The following SREBF2 variants were observed in gnomAD, a reference collection of about 807,000 sequenced individuals.
SREBF2 encodes the protein sterol regulatory element binding transcription factor 2, also known as sterol regulatory element-binding protein 2.
SREBF2 carries 55 observed loss-of-function variants against 113.1 expected under a neutral mutation model. The ratio of observed to expected loss-of-function variants is 0.49; its 90% CI spans 0.39 to 0.61. The LOEUF (loss-of-function observed/expected upper bound fraction) is 0.61, where lower values mean the gene tolerates loss of function less well. Among genes scored for constraint, SREBF2 ranks in the 20% least tolerant of loss-of-function variants. The probability of loss-of-function intolerance (pLI) is 0.00; values close to 1 mark genes in which losing one functional copy is unlikely to be tolerated. For missense variants in SREBF2, 1,349 were observed against 1,487.4 expected (o/e 0.91, Z 1.53); for synonymous variants, 593 against 605.7 (o/e 0.98, Z 0.31).
chr22:41,858,380 A>G (rs535119182), intron 1 of SREBF2, among the ~76,000 whole-genome samples: 2 of 152,318 alleles, frequency 1.3e-5, no homozygotes, highest in East Asian at 1.9e-4. Flanking sequence ...TCACTATACA[A>G]TGTAAAAATG....
At chr22:41,901,344 A>G (rs1218470523) in intron 16 of SREBF2, among the ~76,000 whole-genome samples, 1 of 152,146 alleles carries the variant, frequency 6.6e-6, no homozygotes, top group African/African-American at 2.4e-5. Flanking sequence ...GGCAGCCCCT[A>G]CAGGGACAGG....
chr22:41,880,596 C>A, intron 9 of SREBF2, 120 bp from the exon 10 acceptor site: 2 of 1,317,664 alleles, frequency 1.5e-6, no homozygotes, highest in Non-Finnish European at 2.2e-6. Flanking sequence ...AAGTTTCCCT[C>A]GTTTTTATGA....
intron 3 of SREBF2, among the ~76,000 whole-genome samples, chr22:41,869,008 T>G (rs958648927): frequency 1.3e-5 from 2 of 152,246 alleles, no homozygotes; most frequent in Non-Finnish European, 2.9e-5. Flanking sequence ...TGCAGTCACT[T>G]ACGTACACAT....
chr22:41,878,790 CA>C, intron 9 of SREBF2: 2 of 1,260,192 alleles, frequency 1.6e-6, no homozygotes, highest in Non-Finnish European at 2.1e-6. Flanking sequence ...CCCACCTCTG[CA>C]AGCTGCAGGG....
intron 1 of SREBF2, among the ~76,000 whole-genome samples, chr22:41,844,048 A>ACACACACACACG (rs1556029658): frequency 4.8e-5 from 7 of 145,920 alleles, no homozygotes; most frequent in Non-Finnish European, 7.4e-5. Flanking sequence ...ACACACACAC[A>ACACACACACACG]CACACACACA....
chr22:41,852,624 A>C (rs1213266317), intron 1 of SREBF2, among the ~76,000 whole-genome samples: 1 of 151,916 alleles, frequency 6.6e-6, no homozygotes, highest in African/African-American at 2.4e-5. Flanking sequence ...TTTATAACCA[A>C]AACTCTTATT....
intron 11 of SREBF2, among the ~76,000 whole-genome samples, chr22:41,891,686 G>A (rs975073822): frequency 4.6e-5 from 7 of 152,224 alleles, no homozygotes; most frequent in Non-Finnish European, 1.0e-4. Flanking sequence ...TCCTGTGGGG[G>A]CGAGGGCTGG....
rs1028742651 is a variant in SREBF2, at chr22:41,905,119, C to T, written c.3205+145C>T. The T allele has an allele frequency of 5.8e-6, 5 of 858,086 alleles. No individual in the cohort carries two copies. The African/African-American group carries it at 8.4e-5, about 14-fold the overall frequency. The allele number at this position is 858,086 out of a possible 1,614,324, so 53.2% of individuals were successfully genotyped here. A position where few individuals can be genotyped will look rare whatever the true frequency, so the allele number is the denominator to read the frequency against. Reference sequence around the variant, plus strand: ...CTCTGAGAATGAAAGAAGCCCGAGGCCGCCCTTGGTGGGTTGCAGGGGTTG... The same window carrying T: ...CTCTGAGAATGAAAGAAGCCCGAGGTCGCCCTTGGTGGGTTGCAGGGGTTG... On this transcript the variant is annotated intron_variant, in intron 18 of 18. Coordinates refer to ENST00000361204, the MANE Select transcript of SREBF2 (RefSeq NM_004599.4).
Position 41,866,850 on chromosome 22 carries a change from T to C in SREBF2, c.108T>C (p.Ser36=), listed in dbSNP as rs2077080801. 5.0e-6 allele frequency: 8 copies of C among 1,614,236 alleles called. No individual in the cohort carries two copies. In the East Asian group the frequency reaches 8.9e-5, roughly 18 times the overall value. Residue 36 remains serine (S), a synonymous_variant, in exon 2 of 19, where the codon AGT becomes AGC. Transcript: ENST00000361204. ...TCACAGAGATGCTGCAATTTGTCAG[T>C]AATCAAGTGGGAGAGTTCCCTGACT... ...GDIDEMLQFV[S]NQVGEFPDLF... is the part of the protein sequence containing the mutation.
At chr22:41,862,607 T>C (rs1419618791) in intron 1 of SREBF2, among the ~76,000 whole-genome samples, 2 of 152,200 alleles carry the variant, frequency 1.3e-5, no homozygotes, top group Non-Finnish European at 1.5e-5. Flanking sequence ...AATCACAGAA[T>C]GTGAATGATC....
intron 16 of SREBF2, 50 bp downstream of exon 16, chr22:41,900,548 A>G (rs1373200597): frequency 6.3e-7 from 1 of 1,579,146 alleles, no homozygotes; most frequent in Admixed American, 1.7e-5. Context: ...GCACTGGTTT[A>G]CGAGAACACT....
At chr22:41,885,096 C>T in intron 11 of SREBF2, 85 bp downstream of exon 11, 3 of 1,523,444 alleles carry the variant, frequency 2.0e-6, no homozygotes, top group Middle Eastern at 2.2e-4. Flanking sequence ...GTTATGAACC[C>T]CCTTCCCCAT....
At chr22:41,905,090 G>A (rs967563542) in intron 18 of SREBF2, 116 bp downstream of exon 18, 12 of 1,009,378 alleles carry the variant, frequency 1.2e-5, no homozygotes, top group Admixed American at 6.7e-5. Flanking sequence ...CACACCTCTC[G>A]CCTCTCTGAG....
At chr22:41,854,593 G>C (rs2076960948) in intron 1 of SREBF2, among the ~76,000 whole-genome samples, 2 of 152,010 alleles carry the variant, frequency 1.3e-5, no homozygotes, top group Admixed American at 1.3e-4. Flanking sequence ...TAGAATCCGG[G>C]GGTGGTGGCT....
At position 41,871,016 on chromosome 22, in the gene SREBF2, C is replaced by T. The variant is rs745476432; in HGVS notation, c.848C>T (p.Thr283Met). The T allele has an allele frequency of 6.8e-6, 11 of 1,614,074 alleles. No homozygotes were observed. The highest frequency in any genetic ancestry group is 7.6e-6 in the Non-Finnish European group (9 of 1,180,000). ...ALTALTTPIQTAALQVPTLVG... is the reference protein window; with the variant it reads ...ALTALTTPIQMAALQVPTLVG... ...ACCGCCCTCACCACCCCTATCCAGA[C>T]GGCTGCCCTTCAAGTACCAGTAAGA... Residue 283 changes from threonine to methionine, a missense_variant, in exon 4 of 19, where the codon ACG becomes ATG. Physicochemically the swap from Thr to Met is moderately conservative, Grantham distance 81. Transcript: ENST00000361204.
intron 1 of SREBF2, among the ~76,000 whole-genome samples, chr22:41,855,925 T>G (rs2076973346): frequency 6.7e-6 from 1 of 149,290 alleles, no homozygotes; most frequent in Non-Finnish European, 1.5e-5. Flanking sequence ...CTGACCAAGT[T>G]TTTTTATTTT....
In SREBF2 at chr22:41,859,864, G is replaced by A. The variant is rs935235322; in HGVS notation, c.89-6967G>A. Among the ~76,000 whole-genome samples the A allele has an allele frequency of 5.2e-5, 7 of 135,320 alleles. No homozygotes were observed. The East Asian group carries it at 1.2e-3, about 23-fold the overall frequency. 88.8% of individuals were successfully genotyped at this position (135,320 alleles called of 152,430 possible). On this transcript the variant is annotated intron_variant, in intron 1 of 18. Transcript: ENST00000361204. Reference sequence around the variant, plus strand: ...CTCGCTCTGTCACCCAGGCTGGAGTGCAGTGGCGCAATCTCGGTGCAAGCT... The same window carrying A: ...CTCGCTCTGTCACCCAGGCTGGAGTACAGTGGCGCAATCTCGGTGCAAGCT...
chr22:41,881,097 A>ATT, intron 10 of SREBF2, 105 bp downstream of exon 10: 1 of 1,447,838 alleles, frequency 6.9e-7, no homozygotes. Flanking sequence ...AGTCCCTTTA[A>ATT]CGCTACTCTT....
chr22:41,890,281 C>T (rs562782745), intron 11 of SREBF2, among the ~76,000 whole-genome samples: 1 of 152,300 alleles, frequency 6.6e-6, no homozygotes, highest in East Asian at 1.9e-4. Flanking sequence ...ACAGATATCA[C>T]ATCTCCAAAG....
Sources: gnomAD v4.1 joint callset for allele counts (sites outside exome capture counted in the v4.1 genomes callset) on GRCh38, gnomAD v4.1.1 for gene constraint, MANE v1.5 for transcripts, NCBI Gene and HGNC (gene_info 2026-07-23, HGNC 2026-07-21) for gene names.